Variants in RPAP3 observed in about 807,000 individuals in gnomAD.
The protein encoded by RPAP3 is RNA polymerase II-associated protein 3.
Under a neutral mutation model 88.8 loss-of-function variants are expected in RPAP3, and 58 were observed. That is an observed-to-expected ratio of 0.65 (90% CI 0.53 to 0.81). The LOEUF (loss-of-function observed/expected upper bound fraction) is 0.81, where lower values mean the gene tolerates loss of function less well. Ranked by LOEUF, RPAP3 falls within the 40% of genes least tolerant of loss-of-function variation. The pLI, the probability that RPAP3 is intolerant of heterozygous loss-of-function variation, is 0.00. For missense variants in RPAP3, 751 were observed against 764.3 expected (o/e 0.98, Z 0.20); for synonymous variants, 255 against 259.9 (o/e 0.98, Z 0.18).
chr12:47,690,702 C>T (rs1939412338), intron 5 of RPAP3, 63 bp from the exon 6 acceptor site: 2 of 1,198,802 alleles, frequency 1.7e-6, no homozygotes, highest in Admixed American at 5.3e-5. Flanking sequence ...ACCAAAACTT[C>T]AAAATTTGTT....
chr12:47,690,507 C>T lies in RPAP3; in HGVS notation c.667+11G>A, dbSNP rs1404309950. 2 of 1,590,948 alleles carry T rather than the reference C, an allele frequency of 1.3e-6. No homozygotes were observed. Among genetic ancestry groups the T allele is most frequent in the Non-Finnish European group, 1.7e-6 (2 of 1,169,094 alleles). ...TGTTAAAGAATTCTTTAGAGAGTGA[C>T]TAGAAAATACCTTTTTTGGCCTCTT... On this transcript the variant is annotated intron_variant, in intron 6 of 16. Coordinates refer to ENST00000005386, the MANE Select transcript of RPAP3 (RefSeq NM_024604.3).
chr12:47,688,162 AAAGT>A (rs534403650), intron 7 of RPAP3, among the ~76,000 whole-genome samples, 161 bp from the exon 8 acceptor site: 1 of 152,362 alleles, frequency 6.6e-6, no homozygotes, highest in African/African-American at 2.4e-5. Context: ...TCTACTTATT[AAAGT>A]AAAAAGTAAA....
rs540125779 is a variant in RPAP3 at position 47,662,621 on chromosome 12, C to T, written c.*884G>A. The T allele has an allele frequency of 9.8e-5, 15 of 152,316 alleles. 1 individual carries two copies. Among genetic ancestry groups the T allele is most frequent in the African/African-American group, 3.6e-4 (15 of 41,568 alleles). 9.4% of individuals were successfully genotyped at this position (152,316 alleles called of 1,614,324 possible). A position where few individuals can be genotyped will look rare whatever the true frequency, so the allele number is the denominator to read the frequency against. On this transcript the variant is annotated 3_prime_UTR_variant, in exon 17 of 17. Coordinates refer to ENST00000005386, the MANE Select transcript of RPAP3 (RefSeq NM_024604.3). ...ACACCATGCCCAAAAATTTGCTAGGCTGCTACTTTAAACATTTACTTAATA... is the reference window on the plus strand; with the variant it reads ...ACACCATGCCCAAAAATTTGCTAGGTTGCTACTTTAAACATTTACTTAATA...
intron 9 of RPAP3, among the ~76,000 whole-genome samples, chr12:47,686,545 T>TACACATACACACACACGC (rs57271770): frequency 1.4e-5 from 2 of 145,352 alleles, no homozygotes; most frequent in Non-Finnish European, 3.0e-5. Flanking sequence ...CACATACACA[T>TACACATACACACACACGC]ACACACACAC....
At chr12:47,697,851 C>T in intron 3 of RPAP3, 132 bp from the exon 4 acceptor site, 1 of 764,898 alleles carries the variant, frequency 1.3e-6, no homozygotes, top group Non-Finnish European at 2.0e-6. Flanking sequence ...CCTTACAAAG[C>T]AACCCAAATC....
intron 5 of RPAP3, among the ~76,000 whole-genome samples, chr12:47,690,966 T>C (rs1011178927): frequency 7.2e-5 from 11 of 152,204 alleles, no homozygotes; most frequent in Non-Finnish European, 1.5e-4. Flanking sequence ...TAAATAACAA[T>C]GTATATACCT....
Position 47,681,810 on chromosome 12 carries a change from C to T in RPAP3, c.1000G>A (p.Glu334Lys), listed in dbSNP as rs1350257107. 6.2e-7 allele frequency: 1 copy of T among 1,601,982 alleles called. No individual in the cohort carries two copies. Among genetic ancestry groups the T allele is most frequent in the African/African-American group, 1.3e-5 (1 of 74,282 alleles). ...MAYLKIQKYE[E>K]AEKDCTQAIL... is the part of the protein sequence containing the mutation. Reference sequence around the variant, plus strand: ...GCTTGTGTGCAGTCTTTTTCAGCTTCTTCATATCTATTGAACATGATAAAA... The same window carrying T: ...GCTTGTGTGCAGTCTTTTTCAGCTTTTTCATATCTATTGAACATGATAAAA... The change falls in exon 10 of 17, where the codon GAA becomes AAA. Residue 334 changes from glutamate (E) to lysine (K), a missense_variant. Glu to Lys is a moderately conservative substitution (Grantham distance 56, BLOSUM62 1). Coordinates refer to ENST00000005386, the MANE Select transcript of RPAP3 (RefSeq NM_024604.3).
At position 47,690,071 on chromosome 12, in the gene RPAP3, A is replaced by C. The variant is rs140206815; in HGVS notation, c.667+447T>G. Among the ~76,000 whole-genome samples, 1,252 of 151,930 alleles carry C rather than the reference A, an allele frequency of 8.2e-3. 12 individuals carry two copies. The highest frequency in any genetic ancestry group is 0.027 in the East Asian group (139 of 5,178). ...AAAAAAAAAAGAAAAAAAAAAACCTAAGCAGCAGCAAAATCCAATTAAATA... is the reference window on the plus strand; with the variant it reads ...AAAAAAAAAAGAAAAAAAAAAACCTCAGCAGCAGCAAAATCCAATTAAATA... On this transcript the variant is annotated intron_variant, in intron 6 of 16. Transcript: ENST00000005386.
At position 47,681,807 on chromosome 12, in the gene RPAP3, C is replaced by T; in HGVS notation, c.1003G>A (p.Ala335Thr). 6.2e-7 allele frequency: 1 copy of T among 1,605,026 alleles called. No individual in the cohort carries two copies. The highest frequency in any genetic ancestry group is 2.2e-5 in the East Asian group (1 of 44,624). The change falls in exon 10 of 17, where the codon GCT becomes ACT. Residue 335 changes from alanine to threonine, a missense_variant. Transcript: ENST00000005386. ...ATGGCTTGTGTGCAGTCTTTTTCAG[C>T]TTCTTCATATCTATTGAACATGATA... ...AYLKIQKYEEAEKDCTQAILL... is the reference protein window; with the variant it reads ...AYLKIQKYEETEKDCTQAILL...
rs775219243 is a variant in RPAP3 at position 47,689,208 on chromosome 12, GA to G, written c.668-14del. On this transcript the variant is annotated splice_polypyrimidine_tract_variant and intron_variant, in intron 6 of 16. Transcript: ENST00000005386. ...ACTCTTTCATAATCTAAGTAAAAGA[GA>G]AGATAAAAAAAATTTTTAAAGATAG... The G allele has an allele frequency of 8.4e-7, 1 of 1,190,142 alleles. No homozygotes were observed. The highest frequency in any genetic ancestry group is 2.3e-5 in the Admixed American group (1 of 42,950). 73.7% of individuals were successfully genotyped at this position (1,190,142 alleles called of 1,614,324 possible).
At chr12:47,668,433 T>C (rs1938928280) in intron 14 of RPAP3, among the ~76,000 whole-genome samples, 1 of 152,176 alleles carries the variant, frequency 6.6e-6, no homozygotes, top group South Asian at 2.1e-4. Flanking sequence ...AAAGTAGAAT[T>C]ACATGAGAAA....
At chr12:47,697,801 C>G in intron 3 of RPAP3, 82 bp from the exon 4 acceptor site, 7 of 1,244,408 alleles carry the variant, frequency 5.6e-6, no homozygotes, top group Non-Finnish European at 7.9e-6. Context: ...AAAAAATACA[C>G]TCAAATGAAT....
chr12:47,693,394 C>G (rs558481255), intron 5 of RPAP3, among the ~76,000 whole-genome samples: 1 of 152,210 alleles, frequency 6.6e-6, no homozygotes, highest in South Asian at 2.1e-4. Flanking sequence ...ATAACAGATA[C>G]AATTATAATA....
chr12:47,669,263 T>C (rs559977346), intron 13 of RPAP3, among the ~76,000 whole-genome samples, 161 bp from the exon 14 acceptor site: 4 of 152,324 alleles, frequency 2.6e-5, no homozygotes, highest in African/African-American at 9.6e-5. Context: ...TATATAAACA[T>C]TTTTTGGCAA....
intron 12 of RPAP3, among the ~76,000 whole-genome samples, chr12:47,674,494 A>G (rs1176668079): frequency 6.6e-6 from 1 of 152,156 alleles, no homozygotes; most frequent in Non-Finnish European, 1.5e-5. Flanking sequence ...GAAACTAAAA[A>G]CCTTGAAAAA....
intron 6 of RPAP3, among the ~76,000 whole-genome samples, chr12:47,689,563 T>C (rs1939388179): frequency 6.6e-6 from 1 of 152,150 alleles, no homozygotes; most frequent in African/African-American, 2.4e-5. Context: ...AGTCTCAAAC[T>C]CCTGGCCTCA....
At chr12:47,665,397 G>A (rs1210042984) in intron 16 of RPAP3, among the ~76,000 whole-genome samples, 1 of 150,872 alleles carries the variant, frequency 6.6e-6, no homozygotes, top group African/African-American at 2.4e-5. Flanking sequence ...AATTACAGGC[G>A]TGAGCCACTG....
At chr12:47,693,995 T>C (rs1315165332) in intron 5 of RPAP3, among the ~76,000 whole-genome samples, 1 of 152,244 alleles carries the variant, frequency 6.6e-6, no homozygotes, top group Non-Finnish European at 1.5e-5. Context: ...ACATACAATA[T>C]GATTCTCTCC....
chr12:47,688,028 T>C (rs775659464), intron 7 of RPAP3, 27 bp from the exon 8 acceptor site: 1 of 1,583,750 alleles, frequency 6.3e-7, no homozygotes, highest in Non-Finnish European at 8.6e-7. Context: ...TCAGCTAAAA[T>C]AAAACAAAGT....
Sources: gnomAD v4.1 joint callset for allele counts (sites outside exome capture counted in the v4.1 genomes callset) on GRCh38, gnomAD v4.1.1 for gene constraint, MANE v1.5 for transcripts, NCBI Gene and HGNC (gene_info 2026-07-23, HGNC 2026-07-21) for gene names.